Variants in EPG5 observed in about 807,000 individuals in gnomAD.
EPG5 encodes ectopic P granules protein 5 homolog.
A neutral mutation model predicts 302.7 loss-of-function variants in EPG5; 159 were observed. The ratio of observed to expected loss-of-function variants is 0.53; its 90% CI spans 0.46 to 0.60. The LOEUF is 0.60. Among genes scored for constraint, EPG5 ranks in the 20% least tolerant of loss-of-function variants. EPG5 has a pLI of 0.00. For missense variants in EPG5, 2,896 were observed against 3,092.4 expected (o/e 0.94, Z 1.51); for synonymous variants, 1,158 against 1,136.8 (o/e 1.02, Z -0.37).
intron 29 of EPG5, among the ~76,000 whole-genome samples, 162 bp downstream of exon 29, chr18:45,887,589 C>T (rs544695848): frequency 1.6e-3 from 250 of 152,286 alleles, no homozygotes; most frequent in African/African-American, 5.7e-3. Context: ...ACCAACAATT[C>T]TAATCATATT....
rs773330060 is a variant in EPG5 at position 45,876,346 on chromosome 18, TAAAGA to T, written c.5943-9_5943-5del. The T allele has an allele frequency of 1.2e-5, 20 of 1,611,016 alleles. No individual in the cohort carries two copies. In the South Asian group the frequency reaches 1.3e-4, roughly 11 times the overall value. On this transcript the variant is annotated splice_region_variant and splice_polypyrimidine_tract_variant and intron_variant, in intron 34 of 43. Coordinates refer to ENST00000282041, the MANE Select transcript of EPG5 (RefSeq NM_020964.3). The stretch of plus-strand genomic sequence containing the variant: ...GGGGTAATGCCGCTGTTGGCTGCTT[TAAAGA>T]AAAGAAGCACACACTTAGGAATGCA...
chr18:45,919,763 C>T (rs913018818), intron 16 of EPG5, among the ~76,000 whole-genome samples: 2 of 152,054 alleles, frequency 1.3e-5, no homozygotes, highest in Non-Finnish European at 2.9e-5. Flanking sequence ...CCGCCCGCCT[C>T]GGCCTCCCAA....
chr18:45,915,572 C>T lies in EPG5; in HGVS notation c.3632G>A (p.Ser1211Asn), dbSNP rs571987859. 7.4e-6 allele frequency: 12 copies of T among 1,614,218 alleles called. No homozygotes were observed. The highest frequency in any genetic ancestry group is 2.2e-5 in the East Asian group (1 of 44,886). Residue 1211 changes from serine (S) to asparagine (N), a missense_variant, in exon 20 of 44, where the codon AGC (serine) becomes AAC (asparagine). Ser to Asn is a conservative substitution (Grantham distance 46). Coordinates refer to ENST00000282041, the MANE Select transcript of EPG5 (RefSeq NM_020964.3). ...AGTGATGTTGCCTGCCACAATCCAG[C>T]TTACCAAAGATGAGAGCAGACTCCG... ...CDRSLLSSLV[S>N]WIVAGNITPS...
intron 25 of EPG5, among the ~76,000 whole-genome samples, chr18:45,902,327 A>G (rs1159643647): frequency 6.6e-6 from 1 of 152,182 alleles, no homozygotes; most frequent in Non-Finnish European, 1.5e-5. Flanking sequence ...CTTTGCACAG[A>G]TGTAACCAAG....
the EPG5 span, among the ~76,000 whole-genome samples, chr18:45,841,839 G>C: frequency 1.3e-5 from 2 of 152,166 alleles, no homozygotes; most frequent in African/African-American, 4.8e-5. Flanking sequence ...CGGAGATTCC[G>C]ATTTGTAGGT....
chr18:45,843,627 C>T (rs906143723), downstream of EPG5: 2 of 152,282 alleles, frequency 1.3e-5, no homozygotes, highest in African/African-American at 2.4e-5. Context: ...GCCTGTAATC[C>T]CAGCACCCTG....
chr18:45,899,550 C>T lies in EPG5; in HGVS notation c.4663G>A (p.Glu1555Lys), dbSNP rs780030419. 1.2e-5 allele frequency: 20 copies of T among 1,613,904 alleles called. No homozygotes were observed. Among genetic ancestry groups the T allele is most frequent in the Non-Finnish European group, 1.5e-5 (18 of 1,179,958 alleles). The change falls in exon 27 of 44, where the codon GAA (glutamate) becomes AAA (lysine). Residue 1555 changes from glutamate (E) to lysine (K), a missense_variant. Transcript: ENST00000282041. ...QQQARTAALR[E>K]SQQVALDGEL... ...CCATCCAGAGCAACCTGCTGAGATT[C>T]CCGAAGAGCTGCGGTTCTGAAAAAC...
intron 11 of EPG5, among the ~76,000 whole-genome samples, chr18:45,931,660 C>T (rs1027604310): frequency 6.6e-6 from 1 of 152,090 alleles, no homozygotes; most frequent in Non-Finnish European, 1.5e-5. Context: ...CATGGTGAAG[C>T]CTCGTCTCTA....
Position 45,911,544 on chromosome 18 carries a change from G to T in EPG5, c.3983+746C>A, listed in dbSNP as rs377424016. On this transcript the variant is annotated intron_variant, in intron 22 of 43. Coordinates refer to ENST00000282041, the MANE Select transcript of EPG5 (RefSeq NM_020964.3). ...CCTGATCTCATGATCCACCCGCCTC[G>T]GCCTCCCAAAGTGCTGGGATTACAG... Among the ~76,000 whole-genome samples the T allele has an allele frequency of 9.2e-5, 14 of 151,832 alleles. No homozygotes were observed. In the South Asian group the frequency reaches 2.9e-3, roughly 32 times the overall value.
At chr18:45,906,716 G>A (rs1183623007) in intron 24 of EPG5, among the ~76,000 whole-genome samples, 2 of 151,596 alleles carry the variant, frequency 1.3e-5, no homozygotes, top group African/African-American at 4.9e-5. Context: ...GTGCAGTGGT[G>A]CAATCTCAGC....
At position 45,951,228 on chromosome 18, in the gene EPG5, C is replaced by A; in HGVS notation, c.1263G>T (p.Gln421His). The change falls in exon 4 of 44, where the codon CAG becomes CAT. Residue 421 changes from glutamine to histidine, a missense_variant. Transcript: ENST00000282041. ...AIHQQGRASK[Q>H]TESIPSDLCQ... ...ACAGATCAGAGGGAATGCTTTCTGT[C>A]TGCTTAGACGCTGTAAATGAAAGAT... is the stretch of plus-strand genomic sequence containing the variant. 6.5e-7 allele frequency: 1 copy of A among 1,527,750 alleles called. No individual in the cohort carries two copies. The highest frequency in any genetic ancestry group is 8.8e-7 in the Non-Finnish European group (1 of 1,140,572). 94.6% of individuals were successfully genotyped at this position (1,527,750 alleles called of 1,614,324 possible). A position where few individuals can be genotyped will look rare whatever the true frequency, so the allele number is the denominator to read the frequency against.
At chr18:45,858,483 G>T in intron 41 of EPG5, 83 bp downstream of exon 41, 4 of 1,032,310 alleles carry the variant, frequency 3.9e-6, no homozygotes, top group South Asian at 2.9e-5. Context: ...TTGGTTCTGT[G>T]TACTTAAAGC....
chr18:45,923,271 C>T lies in EPG5; in HGVS notation c.2835G>A (p.Lys945=), dbSNP rs2050195385. 6.2e-7 allele frequency: 1 copy of T among 1,613,112 alleles called. No homozygotes were observed. The highest frequency in any genetic ancestry group is 8.5e-7 in the Non-Finnish European group (1 of 1,179,716). The change falls in exon 15 of 44, where the codon AAG becomes AAA. Residue 945 remains lysine (K), a synonymous_variant. Transcript: ENST00000282041. Reference sequence around the variant, plus strand: ...AAATCAGAAGAGAAGGAAATACCTGCTTCATACTTTCAGAGAGAATCCCAG... The same window carrying T: ...AAATCAGAAGAGAAGGAAATACCTGTTTCATACTTTCAGAGAGAATCCCAG... ...PYAGILSESM[K]QVSYLASIVR...
intron 42 of EPG5, 127 bp downstream of exon 42, chr18:45,857,725 TC>T (rs1041915962): frequency 7.2e-5 from 45 of 628,554 alleles, no homozygotes; most frequent in South Asian, 2.1e-4. Flanking sequence ...TTTTTTTTTT[TC>T]CATTAATCTT....
At chr18:45,833,891 T>C in the EPG5 span, among the ~76,000 whole-genome samples, 2 of 151,792 alleles carry the variant, frequency 1.3e-5, no homozygotes, top group Admixed American at 1.3e-4. Flanking sequence ...GGTGAACAAA[T>C]TAACCAAGAT....
chr18:45,917,805 C>A lies in EPG5; in HGVS notation c.3113G>T (p.Cys1038Phe). The change falls in exon 17 of 44, where the codon TGT (cysteine) becomes TTT (phenylalanine). Residue 1038 changes from cysteine to phenylalanine, a missense_variant. By Grantham distance (205) the Cys-to-Phe change is radical. Coordinates refer to ENST00000282041, the MANE Select transcript of EPG5 (RefSeq NM_020964.3). ...TCCCAATAGTGGGATGCCTTCTGCA[C>A]AGAACTTCTCAATGCTATGGAAAAA... is the stretch of plus-strand genomic sequence containing the variant. ...TAVGHSIEKF[C>F]AEGIPLLGIL... is the part of the protein sequence containing the mutation. The A allele has an allele frequency of 6.2e-7, 1 of 1,614,104 alleles. No individual in the cohort carries two copies.
At chr18:45,841,969 A>G in the EPG5 span, 1 of 795,988 alleles carries the variant, frequency 1.3e-6, no homozygotes, top group Non-Finnish European at 2.1e-6. Context: ...GATGCCATTC[A>G]TCTCTGAGCC....
chr18:45,864,601 G>A (rs1013274935), intron 39 of EPG5, among the ~76,000 whole-genome samples: 1 of 151,988 alleles, frequency 6.6e-6, no homozygotes, highest in South Asian at 2.1e-4. Flanking sequence ...CCTGTGTTTT[G>A]TGACTTTTTT....
chr18:45,818,566 A>G, the EPG5 span, among the ~76,000 whole-genome samples: 3 of 152,100 alleles, frequency 2.0e-5, no homozygotes, highest in Non-Finnish European at 4.4e-5. Flanking sequence ...TTTAGTTACC[A>G]TTAAGTACAT....
Sources: gnomAD v4.1 joint callset for allele counts (sites outside exome capture counted in the v4.1 genomes callset) on GRCh38, gnomAD v4.1.1 for gene constraint, MANE v1.5 for transcripts, NCBI Gene and HGNC (gene_info 2026-07-23, HGNC 2026-07-21) for gene names.